Variants in BCAS2 observed in about 807,000 individuals in gnomAD.
The protein encoded by BCAS2 is BCAS2 pre-mRNA processing factor, also known as pre-mRNA-splicing factor SPF27.
BCAS2 carries 34 observed loss-of-function variants against 35.3 expected under a neutral mutation model. That is an observed-to-expected ratio of 0.96 (90% CI 0.73 to 1.28). The LOEUF (loss-of-function observed/expected upper bound fraction) is 1.28. Ranked by LOEUF, BCAS2 falls within the 50% of genes most tolerant of loss-of-function variation. The pLI is 0.00. For synonymous variants in BCAS2, 75 were observed against 91.6 expected (o/e 0.82, Z 1.03); for missense variants, 221 against 268.1 (o/e 0.82, Z 1.23).
chr1:114,579,944 C>A (rs964163623), intron 2 of BCAS2, among the ~76,000 whole-genome samples: 5 of 135,824 alleles, frequency 3.7e-5, no homozygotes, highest in Non-Finnish European at 6.4e-5. Context: ...TTTTTTTTTT[C>A]CCTTTGAGAC....
intron 4 of BCAS2, 73 bp downstream of exon 4, chr1:114,575,517 C>T (rs563281214): frequency 6.9e-7 from 1 of 1,445,290 alleles, no homozygotes; most frequent in South Asian, 1.4e-5. Context: ...TTAAAATGTA[C>T]TAAAACTTTG....
At chr1:114,576,798 T>G in intron 2 of BCAS2, 40 bp from the exon 3 acceptor site, 1 of 1,482,234 alleles carries the variant, frequency 6.7e-7, no homozygotes, top group East Asian at 2.3e-5. Context: ...AAGATCATGT[T>G]GACAACTAAA....
At chr1:114,580,404 T>C (rs1654858669) in intron 2 of BCAS2, among the ~76,000 whole-genome samples, 2 of 152,224 alleles carry the variant, frequency 1.3e-5, no homozygotes, top group African/African-American at 4.8e-5. Flanking sequence ...AGGTTATACA[T>C]TTAAAATAGT....
chr1:114,570,789 A>G (rs1286497605), intron 4 of BCAS2, 39 bp from the exon 5 acceptor site: 1 of 1,362,088 alleles, frequency 7.3e-7, no homozygotes, highest in South Asian at 1.3e-5. Flanking sequence ...AATACATTAA[A>G]ATAGTACCAA....
At chr1:114,577,608 C>T (rs969993444) in intron 2 of BCAS2, among the ~76,000 whole-genome samples, 2 of 152,026 alleles carry the variant, frequency 1.3e-5, no homozygotes, top group African/African-American at 2.4e-5. Context: ...CTGAGGTGAT[C>T]GGCCTGCCTC....
intron 3 of BCAS2, 32 bp from the exon 4 acceptor site, chr1:114,575,783 A>G (rs750861813): frequency 4.4e-6 from 7 of 1,606,156 alleles, no homozygotes; most frequent in Non-Finnish European, 5.1e-6. Context: ...AAATAAAACC[A>G]TCTATACTGC....
rs781039504 is a variant in BCAS2, at chr1:114,568,258, T to A, written c.552-2A>T. The A allele has an allele frequency of 6.2e-7, 1 of 1,610,706 alleles. No individual in the cohort carries two copies. Among genetic ancestry groups the A allele is most frequent in the East Asian group, 2.2e-5 (1 of 44,838 alleles). On this transcript the variant is annotated splice_acceptor_variant, in intron 6 of 6. Coordinates refer to ENST00000369541, the MANE Select transcript of BCAS2 (RefSeq NM_005872.3). LOFTEE classifies it high-confidence loss of function. ...TTCTTACTGACCAGGGATACCCAACTAGAATGGGGGGGAAGAAAAGAAAAA... is the reference window on the plus strand; with the variant it reads ...TTCTTACTGACCAGGGATACCCAACAAGAATGGGGGGGAAGAAAAGAAAAA...
chr1:114,574,532 A>G (rs960165269), intron 4 of BCAS2, among the ~76,000 whole-genome samples: 1 of 152,264 alleles, frequency 6.6e-6, no homozygotes, highest in Non-Finnish European at 1.5e-5. Flanking sequence ...ATGAATATGT[A>G]TATATTTCCC....
At chr1:114,574,019 A>G (rs1654703534) in intron 4 of BCAS2, among the ~76,000 whole-genome samples, 1 of 152,230 alleles carries the variant, frequency 6.6e-6, no homozygotes, top group Admixed American at 6.5e-5. Flanking sequence ...ATAGACACTC[A>G]GGAAATTTTA....
At chr1:114,573,619 T>C (rs1298163599) in intron 4 of BCAS2, among the ~76,000 whole-genome samples, 1 of 152,234 alleles carries the variant, frequency 6.6e-6, no homozygotes, top group Non-Finnish European at 1.5e-5. Flanking sequence ...ATTGGTTACT[T>C]GGCATAAAAC....
Position 114,567,612 on chromosome 1 carries a change from GTGTTCAGAACAA to G in BCAS2, c.*506_*517del, listed in dbSNP as rs1230809545. On this transcript the variant is annotated 3_prime_UTR_variant, in exon 7 of 7. Transcript: ENST00000369541. ...CATACATCTAGTTCATCTACCTAAA[GTGTTCAGAACAA>G]TGTTCAGCACATATTAAGCTTGATA... 2.0e-5 allele frequency: 3 copies of G among 152,324 alleles called. No homozygotes were observed. The East Asian group carries it at 5.8e-4, about 29-fold the overall frequency. 9.4% of individuals were successfully genotyped at this position (152,324 alleles called of 1,614,324 possible).
chr1:114,579,392 C>G (rs1445308626), intron 2 of BCAS2, among the ~76,000 whole-genome samples: 4 of 152,126 alleles, frequency 2.6e-5, no homozygotes. Context: ...AGGAAAAAAA[C>G]TGGCAAAAGT....
intron 2 of BCAS2, 34 bp downstream of exon 2, chr1:114,581,265 T>C: frequency 6.2e-7 from 1 of 1,604,470 alleles, no homozygotes. Flanking sequence ...TTCACAGGAA[T>C]TCTCGTTCAC....
At chr1:114,569,219 G>C (rs1654591851) in intron 6 of BCAS2, among the ~76,000 whole-genome samples, 2 of 151,990 alleles carry the variant, frequency 1.3e-5, no homozygotes, top group South Asian at 4.1e-4. Context: ...AAAGGAAAGA[G>C]GCAATAGTTT....
rs187153263 is a variant in BCAS2 at position 114,573,846 on chromosome 1, T to C, written c.419+1744A>G. On this transcript the variant is annotated intron_variant, in intron 4 of 6. Transcript: ENST00000369541. ...GATTTTGTCCACTGGATCATTTTTA[T>C]GTGGCTACAAATATTAAATGCATAA... Among the ~76,000 whole-genome samples the C allele has an allele frequency of 1.4e-3, 214 of 152,368 alleles. 1 individual carries two copies. Among genetic ancestry groups the C allele is most frequent in the Admixed American group, 4.6e-3 (71 of 15,298 alleles).
chr1:114,581,573 C>G lies in BCAS2; in HGVS notation c.19G>C (p.Val7Leu). 1 of 1,611,434 alleles carries G rather than the reference C, an allele frequency of 6.2e-7. No homozygotes were observed. The highest frequency in any genetic ancestry group is 8.5e-7 in the Non-Finnish European group (1 of 1,179,274). Residue 7 changes from valine (V) to leucine (L), a missense_variant, in exon 1 of 7, where the codon GTG becomes CTG. Val to Leu is a conservative substitution (Grantham distance 32). Coordinates refer to ENST00000369541, the MANE Select transcript of BCAS2 (RefSeq NM_005872.3). The stretch of plus-strand genomic sequence containing the variant: ...GCATCCACCACAACCTCTCCAGCCA[C>G]CAAACCTGTGCCCGCCATTCTGAGG... MAGTGL[V>L]AGEVVVDALP...
At chr1:114,572,950 A>G (rs1252152108) in intron 4 of BCAS2, among the ~76,000 whole-genome samples, 2 of 151,712 alleles carry the variant, frequency 1.3e-5, no homozygotes, top group Admixed American at 1.3e-4. Flanking sequence ...CCGTCTCCAC[A>G]AAAAATACAA....
intron 6 of BCAS2, 112 bp from the exon 7 acceptor site, chr1:114,568,368 C>CTTT (rs71090789): frequency 0.025 from 21,913 of 869,414 alleles, 112 homozygotes; most frequent in Non-Finnish European, 0.027. Context: ...CTAACCTTCA[C>CTTT]TTTTTTTTTT....
chr1:114,576,430 G>C (rs1054704936), intron 3 of BCAS2, among the ~76,000 whole-genome samples: 1 of 135,090 alleles, frequency 7.4e-6, no homozygotes, highest in East Asian at 2.5e-4. Flanking sequence ...ACCCAGGTAC[G>C]TTTATTATTA....
Sources: allele counts gnomAD v4.1 joint callset (sites outside exome capture counted in the v4.1 genomes callset), GRCh38; gene constraint gnomAD v4.1.1; transcripts MANE v1.5; gene names NCBI Gene and HGNC (gene_info 2026-07-23, HGNC 2026-07-21).